HBEGF: variants seen among roughly 807,000 people sequenced by gnomAD.
HBEGF encodes proheparin-binding EGF-like growth factor.
A neutral mutation model predicts 19.5 loss-of-function variants in HBEGF; 8 were observed. The ratio of observed to expected loss-of-function variants is 0.41; its 90% CI spans 0.24 to 0.74. The LOEUF (loss-of-function observed/expected upper bound fraction) is 0.74, where lower values mean the gene tolerates loss of function less well. Among genes scored for constraint, HBEGF ranks in the 30% least tolerant of loss-of-function variants. HBEGF has a pLI of 0.32. For synonymous variants in HBEGF, 97 were observed against 108.9 expected (o/e 0.89, Z 0.68); for missense variants, 207 against 256.9 (o/e 0.81, Z 1.33).
intron 4 of HBEGF, chr5:140,335,036 C>T (rs1766206548): frequency 1.8e-5 from 8 of 453,906 alleles, no homozygotes; most frequent in Non-Finnish European, 2.8e-5. Context: ...TTACAATCCT[C>T]AGAAAGACAG....
intron 3 of HBEGF, among the ~76,000 whole-genome samples, chr5:140,338,881 C>T (rs1182364222): frequency 6.6e-6 from 1 of 152,152 alleles, no homozygotes; most frequent in East Asian, 1.9e-4. Flanking sequence ...CCACCTTTAC[C>T]CCAGGAGGTG....
At chr5:140,335,097 C>A in intron 4 of HBEGF, 1 of 275,156 alleles carries the variant, frequency 3.6e-6, no homozygotes, top group South Asian at 5.0e-5. Flanking sequence ...TGAAAACAGG[C>A]ATAGAGCTAG....
intron 3 of HBEGF, among the ~76,000 whole-genome samples, chr5:140,340,175 G>A (rs1045975734): frequency 2.0e-5 from 3 of 151,798 alleles, no homozygotes; most frequent in African/African-American, 7.3e-5. Context: ...AATACCAGCT[G>A]CTCAGGAGGC....
At chr5:140,343,994 C>T (rs1766355038) in intron 2 of HBEGF, among the ~76,000 whole-genome samples, 1 of 152,090 alleles carries the variant, frequency 6.6e-6, no homozygotes, top group Admixed American at 6.6e-5. Flanking sequence ...AAAAATTAGC[C>T]GGGCGTGGTG....
intron 2 of HBEGF, 147 bp downstream of exon 2, chr5:140,345,764 C>T: frequency 1.1e-6 from 1 of 896,216 alleles, no homozygotes; most frequent in Non-Finnish European, 1.8e-6. Flanking sequence ...CCAGGATCCC[C>T]CAGTGCCCAT....
At chr5:140,345,682 C>T (rs916706092) in intron 2 of HBEGF, among the ~76,000 whole-genome samples, 1 of 152,024 alleles carries the variant, frequency 6.6e-6, no homozygotes, top group African/African-American at 2.4e-5. Context: ...TTCAATTTGC[C>T]CCGGAGTACC....
chr5:140,345,068 G>A (rs1338729157), intron 2 of HBEGF, among the ~76,000 whole-genome samples: 2 of 152,196 alleles, frequency 1.3e-5, no homozygotes, highest in African/African-American at 4.8e-5. Flanking sequence ...GAGGGAGAAG[G>A]GCAGCTGAGG....
intron 3 of HBEGF, among the ~76,000 whole-genome samples, chr5:140,340,582 C>CAAAAAAAAAAAAAAAAAA (rs61489261): frequency 3.3e-5 from 2 of 59,842 alleles, no homozygotes; most frequent in African/African-American, 6.2e-5. Context: ...GACTCTGTCT[C>CAAAAAAAAAAAAAAAAAA]AAAAAAAAAA....
intron 2 of HBEGF, 87 bp downstream of exon 2, chr5:140,345,824 C>T (rs2126720200): frequency 6.6e-7 from 1 of 1,523,072 alleles, no homozygotes; most frequent in East Asian, 2.3e-5. Context: ...CCTCAACCCA[C>T]AGTATTGCCC....
At chr5:140,345,682 C>G (rs916706092) in intron 2 of HBEGF, among the ~76,000 whole-genome samples, 2 of 152,024 alleles carry the variant, frequency 1.3e-5, no homozygotes, top group Admixed American at 6.5e-5. Context: ...TTCAATTTGC[C>G]CCGGAGTACC....
At chr5:140,342,965 A>G in intron 2 of HBEGF, 153 bp from the exon 3 acceptor site, 1 of 713,528 alleles carries the variant, frequency 1.4e-6, no homozygotes, top group Non-Finnish European at 2.4e-6. Context: ...AGGCAGAAGG[A>G]AGAGCAGGAA....
At chr5:140,337,708 A>G (rs1561539932) in intron 3 of HBEGF, among the ~76,000 whole-genome samples, 1 of 152,148 alleles carries the variant, frequency 6.6e-6, no homozygotes, top group Non-Finnish European at 1.5e-5. Context: ...ACCACCTCAC[A>G]GCAGGATAAA....
At chr5:140,334,557 T>C in intron 5 of HBEGF, 101 bp downstream of exon 5, 1 of 804,430 alleles carries the variant, frequency 1.2e-6, no homozygotes, top group South Asian at 1.4e-5. Context: ...CACAGTAGCC[T>C]GGCCCCCAAC....
intron 4 of HBEGF, among the ~76,000 whole-genome samples, chr5:140,335,287 G>A (rs1395259289): frequency 6.6e-6 from 1 of 151,672 alleles, no homozygotes; most frequent in Non-Finnish European, 1.5e-5. Flanking sequence ...AGGAGGCTGA[G>A]GCAGGAGAAT....
Position 140,342,617 on chromosome 5 carries a change from T to C in HBEGF, c.398+18A>G, listed in dbSNP as rs1453088259. On this transcript the variant is annotated intron_variant, in intron 3 of 5. Coordinates refer to ENST00000230990, the MANE Select transcript of HBEGF (RefSeq NM_001945.3). Reference sequence around the variant, plus strand: ...AAAGTGTGCTGATGAGATTCAGCCCTGGGGAAGGGGCACTTACATGCAGGA... The same window carrying C: ...AAAGTGTGCTGATGAGATTCAGCCCCGGGGAAGGGGCACTTACATGCAGGA... 6.2e-7 allele frequency: 1 copy of C among 1,612,892 alleles called. No individual in the cohort carries two copies. The highest frequency in any genetic ancestry group is 8.5e-7 in the Non-Finnish European group (1 of 1,179,074).
chr5:140,345,924 C>T lies in HBEGF; in HGVS notation c.207G>A (p.Leu69=), dbSNP rs1391995963. 1.2e-6 allele frequency: 2 copies of T among 1,614,072 alleles called. No individual in the cohort carries two copies. Among genetic ancestry groups the T allele is most frequent in the East Asian group, 2.2e-5 (1 of 44,898 alleles). The part of the protein sequence containing the change: ...RKVRDLQEAD[L]DLLRVTLSSK... ...CTCCACACCCACCTCTCAAAAGGTCCAGATCTGCCTCTTGCAAGTCACGGA... is the reference window on the plus strand; with the variant it reads ...CTCCACACCCACCTCTCAAAAGGTCTAGATCTGCCTCTTGCAAGTCACGGA... Residue 69 remains leucine, a synonymous_variant, in exon 2 of 6, where the codon CTG becomes CTA. Coordinates refer to ENST00000230990, the MANE Select transcript of HBEGF (RefSeq NM_001945.3).
Position 140,342,535 on chromosome 5 carries a change from TG to T in HBEGF, c.398+99del, listed in dbSNP as rs910877464. The T allele has an allele frequency of 3.4e-6, 4 of 1,173,454 alleles. No homozygotes were observed. In the African/African-American group the frequency reaches 6.2e-5, roughly 18 times the overall value. 72.7% of individuals were successfully genotyped at this position (1,173,454 alleles called of 1,614,324 possible). On this transcript the variant is annotated intron_variant, in intron 3 of 5. Coordinates refer to ENST00000230990, the MANE Select transcript of HBEGF (RefSeq NM_001945.3). ...TTCCGCCCAGAGGTTGAGAAGAAAC[TG>T]GGTGAAATTATGAATTCAAGGAACA...
chr5:140,334,620 A>C (rs907908411), intron 5 of HBEGF, 38 bp downstream of exon 5: 40 of 1,387,730 alleles, frequency 2.9e-5, no homozygotes, highest in Non-Finnish European at 4.0e-5. Flanking sequence ...AAGGGGACAA[A>C]GGATAATCAT....
At chr5:140,338,116 G>A (rs895242855) in intron 3 of HBEGF, among the ~76,000 whole-genome samples, 14 of 152,188 alleles carry the variant, frequency 9.2e-5, no homozygotes, top group Non-Finnish European at 1.2e-4. Context: ...GCAGGATAGC[G>A]CAGGTAACTC....
Sources: allele counts gnomAD v4.1 joint callset (sites outside exome capture counted in the v4.1 genomes callset), GRCh38; gene constraint gnomAD v4.1.1; transcripts MANE v1.5; gene names NCBI Gene and HGNC (gene_info 2026-07-23, HGNC 2026-07-21).